Variants in MVB12B observed in about 807,000 individuals in gnomAD.
The protein encoded by MVB12B is ESCRT-I complex subunit MVB12B.
Under a neutral mutation model 41.6 loss-of-function variants are expected in MVB12B, and 16 were observed. That is an observed-to-expected ratio of 0.38 (90% CI 0.26 to 0.58). MVB12B has a LOEUF of 0.58. Ranked by LOEUF, MVB12B falls within the 20% of genes least tolerant of loss-of-function variation. The pLI is 0.62. For synonymous variants in MVB12B, 133 were observed against 139.7 expected (o/e 0.95, Z 0.34); for missense variants, 274 against 380.2 (o/e 0.72, Z 2.32).
intron 2 of MVB12B, among the ~76,000 whole-genome samples, chr9:126,357,483 T>C (rs974295977): frequency 1.3e-5 from 2 of 152,236 alleles, no homozygotes; most frequent in Admixed American, 1.3e-4. Flanking sequence ...CATCTGAGTC[T>C]CAGTTCTTCC....
At chr9:126,369,635 T>C (rs1830280080) in intron 2 of MVB12B, among the ~76,000 whole-genome samples, 1 of 152,188 alleles carries the variant, frequency 6.6e-6, no homozygotes, top group South Asian at 2.1e-4. Context: ...ATATGTATTT[T>C]TCACGTGGGT....
Position 126,432,539 on chromosome 9 carries a change from G to T in MVB12B, c.757+10591G>T, listed in dbSNP as rs142003300. Among the ~76,000 whole-genome samples, 560 of 152,296 alleles carry T rather than the reference G, an allele frequency of 3.7e-3. 2 individuals are homozygous for T. The highest frequency in any genetic ancestry group is 0.013 in the African/African-American group (539 of 41,568). ...TTAAAATGGATTAAATTAATTAAAT[G>T]AATTTACTGAATAATACCCAGCCTT... On this transcript the variant is annotated intron_variant, in intron 7 of 9. Transcript: ENST00000361171.
chr9:126,399,839 A>C (rs1277691381), intron 6 of MVB12B, among the ~76,000 whole-genome samples: 2 of 152,190 alleles, frequency 1.3e-5, no homozygotes, highest in African/African-American at 4.8e-5. Context: ...CATTAGGGTG[A>C]GCTGACGTGC....
chr9:126,385,817 A>T (rs181720438), intron 3 of MVB12B, among the ~76,000 whole-genome samples: 1 of 152,236 alleles, frequency 6.6e-6, no homozygotes, highest in Non-Finnish European at 1.5e-5. Context: ...AGATATCTTT[A>T]GAGCTCATTT....
intron 2 of MVB12B, among the ~76,000 whole-genome samples, chr9:126,355,978 T>G (rs913104667): frequency 5.3e-5 from 8 of 152,166 alleles, no homozygotes; most frequent in Non-Finnish European, 1.0e-4. Context: ...CAACCACCAA[T>G]CTGTGTTCTG....
chr9:126,376,459 C>A lies in MVB12B; in HGVS notation c.205-4605C>A. 1 of 1,259,612 alleles carries A rather than the reference C, an allele frequency of 7.9e-7. No homozygotes were observed. 78.0% of individuals were successfully genotyped at this position (1,259,612 alleles called of 1,614,324 possible). Reference sequence around the variant, plus strand: ...TTGGGATTTAAGATGGAGGCACCAGCTCATGGGCTGGAGCCCTGTGGGTGG... The same window carrying A: ...TTGGGATTTAAGATGGAGGCACCAGATCATGGGCTGGAGCCCTGTGGGTGG... On this transcript the variant is annotated intron_variant, in intron 2 of 9. Coordinates refer to ENST00000361171, the MANE Select transcript of MVB12B (RefSeq NM_033446.3). This position sits in a 1 kb window ranked among gnomAD's most constrained non-coding sequence, Gnocchi z 4.1.
rs372324859 is a variant in MVB12B, at chr9:126,328,776, C to CT, written c.81+1775dup. 2.0e-3 allele frequency among the ~76,000 whole-genome samples: 296 copies of CT among 150,252 alleles called. 1 individual carries two copies. The highest frequency in any genetic ancestry group is 6.7e-3 in the African/African-American group (274 of 41,008). On this transcript the variant is annotated intron_variant, in intron 1 of 9. Coordinates refer to ENST00000361171, the MANE Select transcript of MVB12B (RefSeq NM_033446.3). ...TATTTTTAGAGTTTCTTTCTGTCTG[C>CT]TTTTTTTTTGGTTTTTGTTTGTTTT...
At chr9:126,429,466 G>A (rs1376936616) in intron 7 of MVB12B, among the ~76,000 whole-genome samples, 6 of 152,056 alleles carry the variant, frequency 3.9e-5, no homozygotes, top group Non-Finnish European at 7.4e-5. Context: ...TAAACCTTCC[G>A]TCACTTAAGA....
intron 2 of MVB12B, among the ~76,000 whole-genome samples, chr9:126,357,234 C>T (rs1269167593): frequency 1.3e-5 from 2 of 152,116 alleles, no homozygotes; most frequent in Non-Finnish European, 2.9e-5. Context: ...CTGTTGTACA[C>T]CTGTATGACA....
chr9:126,388,933 G>A (rs1158632414), intron 4 of MVB12B, among the ~76,000 whole-genome samples: 2 of 152,184 alleles, frequency 1.3e-5, no homozygotes, highest in Non-Finnish European at 2.9e-5. Context: ...TTCGTTTTTT[G>A]ACAGTCAGTT....
chr9:126,392,425 A>G lies in MVB12B; in HGVS notation c.539+230A>G, dbSNP rs969828163. On this transcript the variant is annotated intron_variant, in intron 5 of 9. Coordinates refer to ENST00000361171, the MANE Select transcript of MVB12B (RefSeq NM_033446.3). The surrounding 1 kb of genome is among the most constrained non-coding windows in gnomAD (Gnocchi z 4.8). The stretch of plus-strand genomic sequence containing the variant: ...CCTTTCCTCCCCTGCCCTTCTGCGC[A>G]TTCAGCCTTGAAGCTCCTCTGGGTC... 4.6e-5 allele frequency among the ~76,000 whole-genome samples: 7 copies of G among 152,070 alleles called. No homozygotes were observed. The highest frequency in any genetic ancestry group is 1.7e-4 in the African/African-American group (7 of 41,402).
At chr9:126,424,910 A>G (rs762975061) in intron 7 of MVB12B, among the ~76,000 whole-genome samples, 10 of 152,252 alleles carry the variant, frequency 6.6e-5, no homozygotes, top group African/African-American at 2.2e-4. Context: ...CTCAAAAATA[A>G]TACTTCAAGT....
intron 1 of MVB12B, 117 bp downstream of exon 1, chr9:126,327,127 G>A: frequency 2.5e-6 from 1 of 401,424 alleles, no homozygotes; most frequent in Non-Finnish European, 3.4e-6. Flanking sequence ...GAGCCGGGCC[G>A]CGCCGAGGCC....
intron 2 of MVB12B, among the ~76,000 whole-genome samples, chr9:126,364,245 G>C (rs370612853): frequency 2.0e-5 from 3 of 152,196 alleles, no homozygotes; most frequent in Non-Finnish European, 1.5e-5. Context: ...ACTTAGGCAC[G>C]AGGACCAGTT....
intron 6 of MVB12B, among the ~76,000 whole-genome samples, chr9:126,420,732 A>G (rs2119087601): frequency 6.6e-6 from 1 of 152,106 alleles, no homozygotes; most frequent in East Asian, 1.9e-4. Context: ...TAGTAGAGAC[A>G]GGGTTTCACC....
chr9:126,366,626 T>C (rs1012322555), intron 2 of MVB12B, among the ~76,000 whole-genome samples: 3 of 152,220 alleles, frequency 2.0e-5, no homozygotes, highest in Non-Finnish European at 2.9e-5. Context: ...TCTTCTATAG[T>C]CCTTCTTTCC....
At chr9:126,432,445 C>G (rs1053823452) in intron 7 of MVB12B, among the ~76,000 whole-genome samples, 3 of 152,216 alleles carry the variant, frequency 2.0e-5, no homozygotes, top group Non-Finnish European at 4.4e-5. Flanking sequence ...ATAATAAACT[C>G]TCAGCTGAGA....
chr9:126,394,933 G>A (rs1480339768), intron 5 of MVB12B, among the ~76,000 whole-genome samples: 2 of 152,144 alleles, frequency 1.3e-5, no homozygotes, highest in African/African-American at 2.4e-5. Context: ...CAGCACTCAC[G>A]AGTGTGTGGT....
intron 6 of MVB12B, among the ~76,000 whole-genome samples, chr9:126,399,142 GTA>G (rs1243482395): frequency 6.6e-6 from 1 of 152,248 alleles, no homozygotes; most frequent in Admixed American, 6.5e-5. Flanking sequence ...CTCCTGGGCT[GTA>G]TCCAGTGAGT....
Sources: allele counts gnomAD v4.1 joint callset (sites outside exome capture counted in the v4.1 genomes callset), GRCh38; gene constraint gnomAD v4.1.1; non-coding constraint Gnocchi (gnomAD v3.1); transcripts MANE v1.5; gene names NCBI Gene and HGNC (gene_info 2026-07-23, HGNC 2026-07-21).